The following PCDHGA10 variants were observed in gnomAD, a reference collection of about 807,000 sequenced individuals.
PCDHGA10 encodes the protein protocadherin gamma subfamily A, 10, also known as protocadherin gamma-A10.
Under a neutral mutation model 59.5 loss-of-function variants are expected in PCDHGA10, and 42 were observed. That is an observed-to-expected ratio of 0.71 (90% CI 0.55 to 0.91). The LOEUF (loss-of-function observed/expected upper bound fraction) is 0.91, where lower values mean the gene tolerates loss of function less well. Among genes scored for constraint, PCDHGA10 ranks in the 40% least tolerant of loss-of-function variants. The pLI is 0.00. For missense variants in PCDHGA10, 1,111 were observed against 1,198.2 expected, an observed-to-expected ratio of 0.93 and a Z score of 1.07; for synonymous variants, 511 against 517.2, an observed-to-expected ratio of 0.99 and a Z score of 0.16.
chr5:141,456,093 T>G (rs1362649283), intron 1 of PCDHGA10, among the ~76,000 whole-genome samples: 1 of 151,986 alleles, frequency 6.6e-6, no homozygotes, highest in Non-Finnish European at 1.5e-5. Context: ...GAGACGGGAT[T>G]TCACCGTGTT....
At chr5:141,415,909 C>A in intron 1 of PCDHGA10, 1 of 761,030 alleles carries the variant, frequency 1.3e-6, no homozygotes, top group Non-Finnish European at 1.8e-6. Flanking sequence ...GACTTCCATA[C>A]AGAAGTGCCT....
chr5:141,493,250 C>T lies in PCDHGA10; in HGVS notation c.2437-1557C>T, dbSNP rs1330348553. On this transcript the variant is annotated intron_variant, in intron 1 of 3. Coordinates refer to ENST00000398610, the MANE Select transcript of PCDHGA10 (RefSeq NM_018913.3). The surrounding 1 kb of genome is among the most constrained non-coding windows in gnomAD (Gnocchi z 4.3). ...TGCTGTTGGCTAGGTACTAACATGC[C>T]TCTCTTATAACAGCTTCACAGAGGT... Among the ~76,000 whole-genome samples the T allele has an allele frequency of 1.3e-5, 2 of 152,154 alleles. No homozygotes were observed. Among genetic ancestry groups the T allele is most frequent in the Non-Finnish European group, 2.9e-5 (2 of 68,024 alleles).
intron 1 of PCDHGA10, among the ~76,000 whole-genome samples, chr5:141,430,347 A>C (rs2097274758): frequency 6.6e-6 from 1 of 151,944 alleles, no homozygotes; most frequent in Non-Finnish European, 1.5e-5. Flanking sequence ...CTTCCAATTC[A>C]TTTAAAAGCT....
At chr5:141,470,602 G>A (rs1004044883) in intron 1 of PCDHGA10, among the ~76,000 whole-genome samples, 1 of 152,268 alleles carries the variant, frequency 6.6e-6, no homozygotes, top group South Asian at 2.1e-4. Flanking sequence ...ACCTGTGCGG[G>A]GACACAGGGC....
chr5:141,429,387 T>TTAA (rs775632416), intron 1 of PCDHGA10, among the ~76,000 whole-genome samples: 1 of 151,334 alleles, frequency 6.6e-6, no homozygotes, highest in Non-Finnish European at 1.5e-5. Flanking sequence ...GTTTTTTTTT[T>TTAA]AAAAAAAATT....
At position 141,490,551 on chromosome 5, in the gene PCDHGA10, T is replaced by C; in HGVS notation, c.2437-4256T>C. On this transcript the variant is annotated intron_variant, in intron 1 of 3. Coordinates refer to ENST00000398610, the MANE Select transcript of PCDHGA10 (RefSeq NM_018913.3). The surrounding 1 kb of genome is among the most constrained non-coding windows in gnomAD (Gnocchi z 5.4). ...CTGGTTCACCTTCCCTACACAAACA[T>C]CTCACCATCAGGCTCAACATTTCAG... 1 of 1,614,088 alleles carries C rather than the reference T, an allele frequency of 6.2e-7. No individual in the cohort carries two copies. The highest frequency in any genetic ancestry group is 1.1e-5 in the South Asian group (1 of 91,086).
intron 1 of PCDHGA10, chr5:141,420,202 C>G: frequency 1.2e-6 from 2 of 1,613,256 alleles, no homozygotes; most frequent in Non-Finnish European, 1.7e-6. Context: ...AAGATAACCT[C>G]AACAAAGATA....
rs1589838233 is a variant in PCDHGA10, at chr5:141,413,071, G to A, written c.-105G>A. 1.7e-6 allele frequency: 2 copies of A among 1,211,262 alleles called. No homozygotes were observed. Among genetic ancestry groups the A allele is most frequent in the Admixed American group, 2.8e-5 (1 of 36,056 alleles). The allele number at this position is 1,211,262 out of a possible 1,614,324, so 75.0% of individuals were successfully genotyped here. A position where few individuals can be genotyped will look rare whatever the true frequency, so the allele number is the denominator to read the frequency against. On this transcript the variant is annotated 5_prime_UTR_variant, in exon 1 of 4. Transcript: ENST00000398610. ...GGAAGCTCACTCCAGAATTTAAAGTGCCCAGGCTACAGAGACACCCTGAAG... is the reference window on the plus strand; with the variant it reads ...GGAAGCTCACTCCAGAATTTAAAGTACCCAGGCTACAGAGACACCCTGAAG...
chr5:141,473,680 C>T (rs888876529), intron 1 of PCDHGA10, among the ~76,000 whole-genome samples: 3 of 152,100 alleles, frequency 2.0e-5, no homozygotes, highest in Non-Finnish European at 2.9e-5. Flanking sequence ...CAGGGAAGGG[C>T]TGGGGTTCTG....
chr5:141,489,913 A>G lies in PCDHGA10; in HGVS notation c.2437-4894A>G. 1 of 1,614,208 alleles carries G rather than the reference A, an allele frequency of 6.2e-7. No homozygotes were observed. Among genetic ancestry groups the G allele is most frequent in the Non-Finnish European group, 8.5e-7 (1 of 1,180,044 alleles). Reference sequence around the variant, plus strand: ...TGGGGGGACCCCAGCCCGCTCAGGGACCACCCTTATCTCTGTCATCGTGCT... The same window carrying G: ...TGGGGGGACCCCAGCCCGCTCAGGGGCCACCCTTATCTCTGTCATCGTGCT... On this transcript the variant is annotated intron_variant, in intron 1 of 3. Transcript: ENST00000398610. The surrounding 1 kb of genome is among the most constrained non-coding windows in gnomAD (Gnocchi z 4.5).
chr5:141,478,372 G>A (rs778468803), intron 1 of PCDHGA10: 2 of 1,613,704 alleles, frequency 1.2e-6, no homozygotes, highest in Non-Finnish European at 8.5e-7. Flanking sequence ...GAGGCCTGAT[G>A]TCGCCGCACC....
intron 1 of PCDHGA10, among the ~76,000 whole-genome samples, chr5:141,450,815 A>ATTATTAT (rs1554136868): frequency 7.9e-6 from 1 of 126,684 alleles, no homozygotes; most frequent in African/African-American, 3.3e-5. Context: ...TATTTATTTA[A>ATTATTAT]TATTATTATT....
At chr5:141,464,418 T>C (rs1244881278) in intron 1 of PCDHGA10, among the ~76,000 whole-genome samples, 2 of 151,652 alleles carry the variant, frequency 1.3e-5, no homozygotes, top group Non-Finnish European at 2.9e-5. Flanking sequence ...TATATATCTA[T>C]ATATATAGAT....
intron 1 of PCDHGA10, among the ~76,000 whole-genome samples, chr5:141,470,055 G>A (rs1432696943): frequency 1.3e-5 from 2 of 152,192 alleles, no homozygotes; most frequent in Non-Finnish European, 1.5e-5. Context: ...TTTGAACCCC[G>A]GAGGCAGAGA....
At chr5:141,433,208 CTTT>C (rs745329085) in intron 1 of PCDHGA10, 6 of 1,292,918 alleles carry the variant, frequency 4.6e-6, no homozygotes, top group East Asian at 2.6e-5. Flanking sequence ...AATCTTCTTT[CTTT>C]TTTTTTTTTA....
At chr5:141,492,606 C>G (rs1019615566) in intron 1 of PCDHGA10, among the ~76,000 whole-genome samples, 3 of 152,232 alleles carry the variant, frequency 2.0e-5, no homozygotes, top group African/African-American at 7.2e-5. Flanking sequence ...GACTGCCGCT[C>G]TAAGTGCCGG....
chr5:141,444,545 CA>C (rs1264288836), intron 1 of PCDHGA10, among the ~76,000 whole-genome samples: 7 of 152,042 alleles, frequency 4.6e-5, no homozygotes, highest in Admixed American at 6.6e-5. Flanking sequence ...GTCTAGTGAG[CA>C]AAAGGCACTT....
At position 141,464,471 on chromosome 5, in the gene PCDHGA10, G is replaced by A. The variant is rs142068327; in HGVS notation, c.2437-30336G>A. On this transcript the variant is annotated intron_variant, in intron 1 of 3. Coordinates refer to ENST00000398610, the MANE Select transcript of PCDHGA10 (RefSeq NM_018913.3). ...TTGTTGTTATTTTTGAAGTATGTAC[G>A]TATAATAAATTCCTAATAGTGTGAT... Among the ~76,000 whole-genome samples, 204 of 151,612 alleles carry A rather than the reference G, an allele frequency of 1.3e-3. 1 individual carries two copies. The highest frequency in any genetic ancestry group is 2.3e-3 in the Non-Finnish European group (156 of 67,928).
At chr5:141,506,231 A>G (rs1453468632) in intron 3 of PCDHGA10, among the ~76,000 whole-genome samples, 4 of 152,082 alleles carry the variant, frequency 2.6e-5, no homozygotes, top group African/African-American at 4.8e-5. Context: ...CAGGAGGATC[A>G]TGAGGTCAGG....
Sources: gnomAD v4.1 joint callset for allele counts (sites outside exome capture counted in the v4.1 genomes callset) on GRCh38, gnomAD v4.1.1 for gene constraint, Gnocchi (gnomAD v3.1) non-coding constraint, MANE v1.5 for transcripts, NCBI Gene and HGNC (gene_info 2026-07-23, HGNC 2026-07-21) for gene names.